Variants in HDAC1 observed in about 807,000 individuals in gnomAD.
HDAC1 encodes the protein histone deacetylase 1.
Under a neutral mutation model 65.5 loss-of-function variants are expected in HDAC1, and 18 were observed. That is an observed-to-expected ratio of 0.27 (90% CI 0.19 to 0.41). The LOEUF (loss-of-function observed/expected upper bound fraction) is 0.41. HDAC1 is among the 10% of genes least tolerant of loss of function. The pLI is 1.00. For synonymous variants in HDAC1, 211 were observed against 227.9 expected, an observed-to-expected ratio of 0.93 and a Z score of 0.67; for missense variants, 373 against 625.2, an observed-to-expected ratio of 0.60 and a Z score of 4.30.
chr1:32,320,545 C>A (rs1641125990), intron 3 of HDAC1, among the ~76,000 whole-genome samples: 1 of 152,066 alleles, frequency 6.6e-6, no homozygotes, highest in Admixed American at 6.6e-5. Flanking sequence ...TGGTAGAATG[C>A]AGAATGGAAC....
chr1:32,325,262 A>C lies in HDAC1; in HGVS notation c.355+709A>C, dbSNP rs974199315. On this transcript the variant is annotated intron_variant, in intron 4 of 13. Transcript: ENST00000373548. ...TACTCCTCATGTATCTCCCACTTCC[A>C]TTTGCAACTTTTGGGTTATCTCCAG... Among the ~76,000 whole-genome samples the C allele has an allele frequency of 2.1e-4, 32 of 152,232 alleles. 1 individual carries two copies. The highest frequency in any genetic ancestry group is 2.9e-5 in the Non-Finnish European group (2 of 68,046).
chr1:32,325,106 C>A lies in HDAC1; in HGVS notation c.355+553C>A, dbSNP rs372306512. Among the ~76,000 whole-genome samples the A allele has an allele frequency of 7.2e-5, 11 of 152,316 alleles. No homozygotes were observed. In the East Asian group the frequency reaches 1.5e-3, roughly 21 times the overall value. ...CTTATGTACAGGCGTTCCCCGCAGACCTCCTGGGGTTGTTAAGATGCTGTA... is the reference window on the plus strand; with the variant it reads ...CTTATGTACAGGCGTTCCCCGCAGAACTCCTGGGGTTGTTAAGATGCTGTA... On this transcript the variant is annotated intron_variant, in intron 4 of 13. Transcript: ENST00000373548.
At chr1:32,315,545 A>G (rs965829200) in intron 2 of HDAC1, among the ~76,000 whole-genome samples, 17 of 150,966 alleles carry the variant, frequency 1.1e-4, no homozygotes, top group African/African-American at 3.6e-4. Context: ...TAGAGACCAG[A>G]TTTCATCATA....
chr1:32,315,728 G>A (rs559531703), intron 2 of HDAC1, among the ~76,000 whole-genome samples: 2 of 151,008 alleles, frequency 1.3e-5, no homozygotes, highest in East Asian at 4.0e-4. Flanking sequence ...CACTTTGGGA[G>A]GCCGAGGAGG....
At position 32,329,806 on chromosome 1, in the gene HDAC1, C is replaced by T. The variant is rs1641266448; in HGVS notation, c.729+646C>T. On this transcript the variant is annotated intron_variant, in intron 7 of 13. Coordinates refer to ENST00000373548, the MANE Select transcript of HDAC1 (RefSeq NM_004964.3). The surrounding 1 kb of genome is among the most constrained non-coding windows in gnomAD (Gnocchi z 4.1). Reference sequence around the variant, plus strand: ...CAGAGGTGCTGATGTTTAAGCTGGACTTTGGAAAATGAGGAGGTGCCCATG... The same window carrying T: ...CAGAGGTGCTGATGTTTAAGCTGGATTTTGGAAAATGAGGAGGTGCCCATG... The T allele has an allele frequency of 6.4e-6, 1 of 155,692 alleles. No homozygotes were observed. Among genetic ancestry groups the T allele is most frequent in the African/African-American group, 2.4e-5 (1 of 41,424 alleles). The allele number at this position is 155,692 out of a possible 1,614,324, so 9.6% of individuals were successfully genotyped here. A position where few individuals can be genotyped will look rare whatever the true frequency, so the allele number is the denominator to read the frequency against.
At chr1:32,295,694 A>G (rs1425213556) in intron 1 of HDAC1, among the ~76,000 whole-genome samples, 2 of 152,200 alleles carry the variant, frequency 1.3e-5, no homozygotes, top group Non-Finnish European at 2.9e-5. Flanking sequence ...GCATTGGGGA[A>G]TATGTTTCCA....
At chr1:32,317,968 C>CT (rs1262936202) in intron 3 of HDAC1, among the ~76,000 whole-genome samples, 1 of 151,954 alleles carries the variant, frequency 6.6e-6, no homozygotes. Context: ...GCCCCTGCCA[C>CT]TTTTTTTTGA....
chr1:32,323,437 G>A (rs531076446), intron 3 of HDAC1, among the ~76,000 whole-genome samples: 1 of 151,890 alleles, frequency 6.6e-6, no homozygotes, highest in African/African-American at 2.4e-5. Context: ...CTCTTGTCTC[G>A]CCCAGGCTGG....
At chr1:32,310,666 A>G (rs1570015468) in intron 2 of HDAC1, among the ~76,000 whole-genome samples, 2 of 152,130 alleles carry the variant, frequency 1.3e-5, no homozygotes, top group African/African-American at 2.4e-5. Flanking sequence ...CCTGGCCAAC[A>G]TGGTGAAACC....
chr1:32,306,506 G>A (rs1173993704), intron 2 of HDAC1, among the ~76,000 whole-genome samples: 3 of 152,154 alleles, frequency 2.0e-5, no homozygotes, highest in Non-Finnish European at 4.4e-5. Context: ...GCCTGGGCTA[G>A]AGTGCAGTGG....
intron 2 of HDAC1, among the ~76,000 whole-genome samples, chr1:32,313,908 T>A (rs1641023891): frequency 6.6e-6 from 1 of 152,176 alleles, no homozygotes; most frequent in South Asian, 2.1e-4. Context: ...TGTGTTGAGC[T>A]GCGGGACAGG....
rs956465576 is a variant in HDAC1, at chr1:32,332,810, A to AC, written c.1421+63dup. The AC allele has an allele frequency of 1.1e-5, 16 of 1,436,054 alleles. No individual in the cohort carries two copies. In the African/African-American group the frequency reaches 2.3e-4, roughly 20 times the overall value. 89.0% of individuals were successfully genotyped at this position (1,436,054 alleles called of 1,614,324 possible). A position where few individuals can be genotyped will look rare whatever the true frequency, so the allele number is the denominator to read the frequency against. On this transcript the variant is annotated intron_variant, in intron 13 of 13. Transcript: ENST00000373548. The stretch of plus-strand genomic sequence containing the variant: ...ATTGGAGCACCAGCCCCTTTGTCCC[A>AC]CCACTCTGAGGAAAGGCACAGGGAC...
rs1570038302 is a variant in HDAC1, at chr1:32,327,882, G to A, written c.636+205G>A. ...GGGACATAAAGGGCCAGAGAAAGAAGAGGGGTCTCCTGACTCACTGTACTT... is the reference window on the plus strand; with the variant it reads ...GGGACATAAAGGGCCAGAGAAAGAAAAGGGGTCTCCTGACTCACTGTACTT... On this transcript the variant is annotated intron_variant, in intron 6 of 13. Transcript: ENST00000373548. This position sits in a 1 kb window ranked among gnomAD's most constrained non-coding sequence, Gnocchi z 6.0. 2 of 610,296 alleles carry A rather than the reference G, an allele frequency of 3.3e-6. No individual in the cohort carries two copies. Among genetic ancestry groups the A allele is most frequent in the East Asian group, 5.7e-5 (2 of 35,288 alleles). 37.8% of individuals were successfully genotyped at this position (610,296 alleles called of 1,614,324 possible). A position where few individuals can be genotyped will look rare whatever the true frequency, so the allele number is the denominator to read the frequency against.
intron 3 of HDAC1, among the ~76,000 whole-genome samples, chr1:32,319,106 G>A (rs1016618132): frequency 1.3e-4 from 20 of 152,008 alleles, no homozygotes; most frequent in Non-Finnish European, 2.2e-4. Flanking sequence ...GCGACAGAGC[G>A]AGACTCCGTC....
chr1:32,332,299 A>G, intron 12 of HDAC1, 57 bp downstream of exon 12: 1 of 1,517,556 alleles, frequency 6.6e-7, no homozygotes, highest in Non-Finnish European at 9.0e-7. Context: ...GAATCTATGT[A>G]GGGCAGTGGG....
At chr1:32,294,080 A>C (rs1461274740) in intron 1 of HDAC1, among the ~76,000 whole-genome samples, 1 of 152,046 alleles carries the variant, frequency 6.6e-6, no homozygotes, top group Non-Finnish European at 1.5e-5. Flanking sequence ...AAAAAAAAAA[A>C]ACAAAAAAAT....
intron 2 of HDAC1, among the ~76,000 whole-genome samples, chr1:32,306,812 GTA>G (rs1462025018): frequency 6.6e-6 from 1 of 151,978 alleles, no homozygotes; most frequent in African/African-American, 2.4e-5. Flanking sequence ...GGATAGTACT[GTA>G]TCCTATATAT....
In HDAC1 at chr1:32,331,666, T is replaced by C. The variant is rs1218146509; in HGVS notation, c.1089-10T>C. Reference sequence around the variant, plus strand: ...ACCAGAGCCCTGCTACTCTCTCCCATTGGCCACAGACAGCGACTGTTTGAG... The same window carrying C: ...ACCAGAGCCCTGCTACTCTCTCCCACTGGCCACAGACAGCGACTGTTTGAG... On this transcript the variant is annotated splice_polypyrimidine_tract_variant and intron_variant, in intron 10 of 13. Transcript: ENST00000373548. This position sits in a 1 kb window ranked among gnomAD's most constrained non-coding sequence, Gnocchi z 4.2. 2.5e-6 allele frequency: 4 copies of C among 1,613,372 alleles called. No homozygotes were observed. The highest frequency in any genetic ancestry group is 1.6e-4 in the Middle Eastern group (1 of 6,062).
In HDAC1 at chr1:32,333,165, C is replaced by G; in HGVS notation, c.*121C>G. The stretch of plus-strand genomic sequence containing the variant: ...AAAAATTTATTAAATATAAATATCC[C>G]CAGGGACAGAAACCAAGGCCCCGAG... On this transcript the variant is annotated 3_prime_UTR_variant, in exon 14 of 14. Transcript: ENST00000373548. The G allele has an allele frequency of 1.2e-6, 1 of 853,824 alleles. No individual in the cohort carries two copies. 52.9% of individuals were successfully genotyped at this position (853,824 alleles called of 1,614,324 possible).
Sources: allele counts gnomAD v4.1 joint callset (sites outside exome capture counted in the v4.1 genomes callset), GRCh38; gene constraint gnomAD v4.1.1; non-coding constraint Gnocchi (gnomAD v3.1); transcripts MANE v1.5; gene names NCBI Gene and HGNC (gene_info 2026-07-23, HGNC 2026-07-21).